Variants in CPVL observed in about 807,000 individuals in gnomAD.
The protein encoded by CPVL is probable serine carboxypeptidase CPVL.
Under a neutral mutation model 63.7 loss-of-function variants are expected in CPVL, and 51 were observed. The ratio of observed to expected loss-of-function variants is 0.80; its 90% CI spans 0.64 to 1.01. The LOEUF (loss-of-function observed/expected upper bound fraction) is 1.01, where lower values mean the gene tolerates loss of function less well. CPVL is among the 50% of genes least tolerant of loss of function. The pLI is 0.00. For missense variants in CPVL, 530 were observed against 573.1 expected (o/e 0.92, Z 0.77); for synonymous variants, 195 against 206.0 (o/e 0.95, Z 0.46).
intron 11 of CPVL, among the ~76,000 whole-genome samples, chr7:29,050,916 G>A (rs984547031): frequency 3.9e-5 from 6 of 151,984 alleles, no homozygotes; most frequent in African/African-American, 1.4e-4. Flanking sequence ...ATAGACTGAT[G>A]GAACAGAATA....
In CPVL at chr7:29,066,101, A is replaced by T; in HGVS notation, c.885T>A (p.Asp295Glu). The change falls in exon 10 of 13, where the codon GAT (aspartate) becomes GAA (glutamate). Residue 295 changes from aspartate (D) to glutamate (E), a missense_variant. By Grantham distance (45) the Asp-to-Glu change is conservative. Coordinates refer to ENST00000265394, the MANE Select transcript of CPVL (RefSeq NM_031311.5). ...EAFEILDKLL[D>E]GDLTSDPSYF... is the part of the protein sequence containing the mutation. ...AAGAAGGATCACTTGTTAAGTCGCC[A>T]TCTAGTAGTTTATCCAGTATCTAGG... The T allele has an allele frequency of 6.3e-7, 1 of 1,597,262 alleles. No individual in the cohort carries two copies. The highest frequency in any genetic ancestry group is 1.1e-5 in the South Asian group (1 of 89,858).
In CPVL at chr7:29,123,885, A is replaced by C. The variant is rs1789699672; in HGVS notation, c.-10-2814T>G. 3.3e-5 allele frequency among the ~76,000 whole-genome samples: 5 copies of C among 151,710 alleles called. No individual in the cohort carries two copies. The South Asian group carries it at 1.0e-3, about 32-fold the overall frequency. On this transcript the variant is annotated intron_variant, in intron 1 of 12. Transcript: ENST00000265394. ...TTGACTCAAAGATGTTAAAAAAGGA[A>C]AACAGGTAAAACTGGTCCTGTTTTA...
At chr7:29,036,195 T>C (rs138048916) in intron 11 of CPVL, among the ~76,000 whole-genome samples, 3 of 152,306 alleles carry the variant, frequency 2.0e-5, no homozygotes, top group African/African-American at 7.2e-5. Flanking sequence ...ACACCATAAC[T>C]GGAACTCGTA....
rs561747581 is a variant in CPVL at position 29,074,626 on chromosome 7, T to C, written c.610-2203A>G. Among the ~76,000 whole-genome samples the C allele has an allele frequency of 5.3e-5, 8 of 151,864 alleles. No individual in the cohort carries two copies. The East Asian group carries it at 1.6e-3, about 29-fold the overall frequency. On this transcript the variant is annotated intron_variant, in intron 7 of 12. Transcript: ENST00000265394. Reference sequence around the variant, plus strand: ...GAGGAAGGGATCTGGTGGGAGGTGATTGGATCATGGGGGCAGTTTCCCCCA... The same window carrying C: ...GAGGAAGGGATCTGGTGGGAGGTGACTGGATCATGGGGGCAGTTTCCCCCA...
At chr7:29,074,246 T>C (rs1322232378) in intron 7 of CPVL, among the ~76,000 whole-genome samples, 2 of 152,206 alleles carry the variant, frequency 1.3e-5, no homozygotes, top group African/African-American at 4.8e-5. Context: ...TGTGCAATAA[T>C]AATTATTTAG....
chr7:29,097,023 G>T (rs1205762422), intron 3 of CPVL, among the ~76,000 whole-genome samples: 1 of 151,012 alleles, frequency 6.6e-6, no homozygotes, highest in Non-Finnish European at 1.5e-5. Context: ...TGTGTCCATA[G>T]GGACCAGGAC....
At chr7:29,005,716 T>G (rs1562719049) in intron 12 of CPVL, among the ~76,000 whole-genome samples, 2 of 152,232 alleles carry the variant, frequency 1.3e-5, no homozygotes, top group Non-Finnish European at 2.9e-5. Context: ...AACTGTTCTG[T>G]CTTTTTCCCC....
chr7:29,181,433 G>A (rs1263271150), intron 4 of CPVL: 1 of 152,108 alleles, frequency 6.6e-6, no homozygotes, highest in East Asian at 1.9e-4. Flanking sequence ...AAACAGAAAG[G>A]CACATATAGA....
chr7:29,188,607 T>C (rs1339758409), intron 1 of CPVL, among the ~76,000 whole-genome samples: 1 of 152,060 alleles, frequency 6.6e-6, no homozygotes, highest in Non-Finnish European at 1.5e-5. Context: ...AATGAAAATA[T>C]TGATTCAGAT....
At chr7:29,090,274 C>T (rs990846090) in intron 6 of CPVL, among the ~76,000 whole-genome samples, 2 of 152,190 alleles carry the variant, frequency 1.3e-5, no homozygotes, top group African/African-American at 2.4e-5. Context: ...GGAATCCTGG[C>T]AGTGCTGCTC....
chr7:29,137,816 T>C (rs1022405340), intron 1 of CPVL, among the ~76,000 whole-genome samples: 7 of 151,766 alleles, frequency 4.6e-5, no homozygotes, highest in African/African-American at 1.5e-4. Context: ...TATGCAGCAA[T>C]AGATAACCAA....
At chr7:29,155,252 C>T (rs1389239874) in intron 5 of CPVL, among the ~76,000 whole-genome samples, 11 of 151,926 alleles carry the variant, frequency 7.2e-5, no homozygotes, top group Admixed American at 7.2e-4. Context: ...TGGGTTGCAC[C>T]ATTTCAGGGA....
At chr7:29,172,493 C>G (rs780552242) in intron 5 of CPVL, among the ~76,000 whole-genome samples, 37 of 152,154 alleles carry the variant, frequency 2.4e-4, no homozygotes, top group Non-Finnish European at 5.3e-4. Context: ...AATAACCAAG[C>G]CTTCAGATTC....
At chr7:29,138,798 G>A (rs1057398047) in intron 1 of CPVL, among the ~76,000 whole-genome samples, 1 of 152,170 alleles carries the variant, frequency 6.6e-6, no homozygotes, top group African/African-American at 2.4e-5. Context: ...AGAGACTGCT[G>A]AGAGTCTAAG....
At chr7:29,026,858 C>T (rs961327579) in intron 12 of CPVL, among the ~76,000 whole-genome samples, 3 of 152,034 alleles carry the variant, frequency 2.0e-5, no homozygotes, top group Non-Finnish European at 4.4e-5. Flanking sequence ...AAAATTCTCC[C>T]AACAAAGGAA....
intron 6 of CPVL, among the ~76,000 whole-genome samples, chr7:29,091,036 T>C (rs1342396018): frequency 6.6e-6 from 1 of 152,176 alleles, no homozygotes; most frequent in Non-Finnish European, 1.5e-5. Context: ...AAATGAATAG[T>C]GTAAACTATA....
At chr7:29,182,019 C>G (rs545183398) in intron 4 of CPVL, among the ~76,000 whole-genome samples, 1 of 152,266 alleles carries the variant, frequency 6.6e-6, no homozygotes, top group East Asian at 1.9e-4. Context: ...CTGTAAATGA[C>G]TTTTTCTTAC....
intron 7 of CPVL, among the ~76,000 whole-genome samples, chr7:29,086,230 T>C (rs927225898): frequency 2.6e-5 from 4 of 151,920 alleles, no homozygotes; most frequent in Non-Finnish European, 5.9e-5. Context: ...AGGCGCAGGT[T>C]GCAGTGAGCC....
At chr7:29,021,786 T>C (rs1217867920) in intron 12 of CPVL, among the ~76,000 whole-genome samples, 2 of 151,808 alleles carry the variant, frequency 1.3e-5, no homozygotes, top group African/African-American at 4.8e-5. Context: ...TGGTGCCATT[T>C]TGAGAGGCCG....
Sources: allele counts gnomAD v4.1 joint callset (sites outside exome capture counted in the v4.1 genomes callset), GRCh38; gene constraint gnomAD v4.1.1; transcripts MANE v1.5; gene names NCBI Gene and HGNC (gene_info 2026-07-23, HGNC 2026-07-21).